Variants in CNBD1 observed in about 807,000 individuals in gnomAD.
CNBD1 encodes the protein cyclic nucleotide binding domain containing 1, also known as cyclic nucleotide-binding domain-containing protein 1.
Under a neutral mutation model 54.4 loss-of-function variants are expected in CNBD1, and 71 were observed. The observed-to-expected ratio is 1.30, with a 90% CI of 1.08 to 1.59. The LOEUF is 1.59. Among genes scored for constraint, CNBD1 ranks in the 40% most tolerant of loss-of-function variants. The pLI, the probability that CNBD1 is intolerant of heterozygous loss-of-function variation, is 0.00. For missense variants in CNBD1, 659 were observed against 518.0 expected (o/e 1.27, Z -2.64); for synonymous variants, 182 against 170.7 (o/e 1.07, Z -0.51).
At chr8:86,985,586 A>G (rs1808587999) in intron 4 of CNBD1, among the ~76,000 whole-genome samples, 1 of 152,236 alleles carries the variant, frequency 6.6e-6, no homozygotes, top group South Asian at 2.1e-4. Flanking sequence ...TTATGGATGC[A>G]TAGTATTCCA....
chr8:87,407,347 T>A (rs1807668518), intron 2 of CNBD1, among the ~76,000 whole-genome samples: 1 of 151,860 alleles, frequency 6.6e-6, no homozygotes, highest in Non-Finnish European at 1.5e-5. Flanking sequence ...ACTCAGTACT[T>A]AGTTTATTAT....
rs1394861067 is a variant in CNBD1, at chr8:86,980,062, C to CT, written c.431+40314dup. On this transcript the variant is annotated intron_variant, in intron 4 of 10. Coordinates refer to ENST00000518476, the MANE Select transcript of CNBD1 (RefSeq NM_173538.3). Reference sequence around the variant, plus strand: ...TTTATCAACAGCTCTCAAATACTTGCTTTTTTCTGTTATGACTACTTTCTT... The same window carrying CT: ...TTTATCAACAGCTCTCAAATACTTGCTTTTTTTCTGTTATGACTACTTTCTT... Among the ~76,000 whole-genome samples the CT allele has an allele frequency of 7.9e-5, 12 of 152,252 alleles. No homozygotes were observed. In the South Asian group the frequency reaches 1.2e-3, roughly 16 times the overall value.
chr8:87,226,298 G>T (rs879700557), intron 5 of CNBD1, among the ~76,000 whole-genome samples: 48 of 150,470 alleles, frequency 3.2e-4, no homozygotes, highest in Non-Finnish European at 6.2e-4. Context: ...GAATGTGTTT[G>T]CTCGTGCTTT....
At chr8:86,994,748 G>T (rs151160270) in intron 4 of CNBD1, among the ~76,000 whole-genome samples, 1 of 151,800 alleles carries the variant, frequency 6.6e-6, no homozygotes, top group Non-Finnish European at 1.5e-5. Context: ...TCGCTTCTCC[G>T]TCAACTCTCG....
intron 6 of CNBD1, among the ~76,000 whole-genome samples, chr8:87,239,426 T>C (rs1013943934): frequency 5.3e-5 from 8 of 152,270 alleles, no homozygotes; most frequent in Admixed American, 3.9e-4. Flanking sequence ...TATTACTATT[T>C]CCAAAGATTT....
At position 87,258,431 on chromosome 8, in the gene CNBD1, TTTTTC is replaced by T. The variant is rs1036021987; in HGVS notation, c.771+21324_771+21328del. 5.5e-4 allele frequency among the ~76,000 whole-genome samples: 83 copies of T among 151,648 alleles called. No homozygotes were observed. In the Middle Eastern group the frequency reaches 0.014, roughly 25 times the overall value. On this transcript the variant is annotated intron_variant, in intron 6 of 10. Transcript: ENST00000518476. ...AAATTTTTCTTTTTTTTATTTCTTT[TTTTTC>T]TTTTTAAGATGGAGTCTCACTGTCT... is the stretch of plus-strand genomic sequence containing the variant.
At chr8:87,411,524 A>G (rs1266441666) in intron 2 of CNBD1, among the ~76,000 whole-genome samples, 1 of 149,640 alleles carries the variant, frequency 6.7e-6, no homozygotes, top group Non-Finnish European at 1.5e-5. Flanking sequence ...CAATTAAGCC[A>G]TTTCTTGGAA....
chr8:87,359,528 G>A (rs1810488104), intron 10 of CNBD1, among the ~76,000 whole-genome samples: 3 of 151,766 alleles, frequency 2.0e-5, no homozygotes, highest in South Asian at 2.1e-4. Context: ...ACATTTTAAG[G>A]GCTAGATAAT....
chr8:87,425,807 C>T (rs1586096066), intron 2 of CNBD1, among the ~76,000 whole-genome samples: 1 of 152,060 alleles, frequency 6.6e-6, no homozygotes, highest in Admixed American at 6.5e-5. Flanking sequence ...GTGGAGCCTA[C>T]AGAGGCAGGC....
chr8:87,093,972 C>T (rs1363817595), intron 4 of CNBD1, among the ~76,000 whole-genome samples: 2 of 152,172 alleles, frequency 1.3e-5, no homozygotes, highest in Admixed American at 1.3e-4. Context: ...CATGCAGTAA[C>T]TATTAAAGTA....
At chr8:87,113,900 C>T (rs1201659688) in intron 4 of CNBD1, among the ~76,000 whole-genome samples, 1 of 148,610 alleles carries the variant, frequency 6.7e-6, no homozygotes, top group Admixed American at 6.7e-5. Context: ...ACATGGGAGA[C>T]AGTGAGACTC....
intron 4 of CNBD1, among the ~76,000 whole-genome samples, chr8:86,945,746 A>G (rs1807450227): frequency 6.6e-6 from 1 of 152,242 alleles, no homozygotes; most frequent in African/African-American, 2.4e-5. Flanking sequence ...GTGATCATTT[A>G]TGACAGAAGA....
chr8:87,239,189 C>T (rs1459703959), intron 6 of CNBD1, among the ~76,000 whole-genome samples: 1 of 152,080 alleles, frequency 6.6e-6, no homozygotes, highest in Admixed American at 6.6e-5. Context: ...ACAATTTTAA[C>T]TTGCAGCAAC....
intron 7 of CNBD1, among the ~76,000 whole-genome samples, chr8:87,286,285 T>C (rs572020876): frequency 6.6e-6 from 1 of 152,312 alleles, no homozygotes; most frequent in African/African-American, 2.4e-5. Flanking sequence ...TTTTAAAAAC[T>C]TCTAAAACAT....
intron 4 of CNBD1, among the ~76,000 whole-genome samples, chr8:86,986,384 T>C (rs1375301469): frequency 6.6e-6 from 1 of 152,186 alleles, no homozygotes; most frequent in African/African-American, 2.4e-5. Flanking sequence ...TGTTGAATTG[T>C]TTAAATTCCT....
intron 3 of CNBD1, among the ~76,000 whole-genome samples, chr8:86,931,454 G>A (rs1434250425): frequency 6.8e-6 from 1 of 147,498 alleles, no homozygotes; most frequent in Non-Finnish European, 1.5e-5. Context: ...CATGGGCAAG[G>A]GGGTGGCTTA....
At chr8:87,310,094 C>T (rs943111822) in intron 8 of CNBD1, among the ~76,000 whole-genome samples, 5 of 152,072 alleles carry the variant, frequency 3.3e-5, no homozygotes, top group African/African-American at 1.2e-4. Flanking sequence ...GTGGCTCATA[C>T]CTATAATTCC....
intron 10 of CNBD1, among the ~76,000 whole-genome samples, chr8:87,366,144 C>T (rs1339939354): frequency 1.3e-5 from 2 of 152,008 alleles, no homozygotes; most frequent in Non-Finnish European, 2.9e-5. Context: ...CAGCTTTAAA[C>T]AATACTCATT....
At chr8:87,303,940 T>C (rs990108777) in intron 8 of CNBD1, among the ~76,000 whole-genome samples, 42 of 152,050 alleles carry the variant, frequency 2.8e-4, no homozygotes, top group Admixed American at 3.3e-4. Flanking sequence ...CAATGAGATA[T>C]CATCTCACAC....
Sources: allele counts gnomAD v4.1 joint callset (sites outside exome capture counted in the v4.1 genomes callset), GRCh38; gene constraint gnomAD v4.1.1; transcripts MANE v1.5; gene names NCBI Gene and HGNC (gene_info 2026-07-23, HGNC 2026-07-21).